The following IL2RB variants were observed in gnomAD, a reference collection of about 807,000 sequenced individuals.
IL2RB encodes interleukin 2 receptor subunit beta, also known as interleukin-2 receptor subunit beta.
A neutral mutation model predicts 44.2 loss-of-function variants in IL2RB; 17 were observed. The observed-to-expected ratio is 0.38, with a 90% confidence interval of 0.26 to 0.58. The LOEUF (loss-of-function observed/expected upper bound fraction) is 0.58. Ranked by LOEUF, IL2RB falls within the 20% of genes least tolerant of loss-of-function variation. IL2RB has a pLI of 0.63. For synonymous variants in IL2RB, 286 were observed against 297.9 expected (o/e 0.96, Z 0.41); for missense variants, 624 against 685.5 (o/e 0.91, Z 1.00).
intron 1 of IL2RB, among the ~76,000 whole-genome samples, chr22:37,157,408 A>G (rs139849312): frequency 1.3e-5 from 2 of 152,222 alleles, no homozygotes; most frequent in African/African-American, 4.8e-5. Context: ...CCAGACCTGA[A>G]GCCCCACGTT....
intron 1 of IL2RB, among the ~76,000 whole-genome samples, chr22:37,156,112 C>A (rs767993602): frequency 6.6e-6 from 1 of 152,228 alleles, no homozygotes; most frequent in Non-Finnish European, 1.5e-5. Context: ...GCCTCCCTCT[C>A]CACTCCGCCT....
chr22:37,133,469 T>C (rs1921529868), intron 8 of IL2RB, among the ~76,000 whole-genome samples: 1 of 152,210 alleles, frequency 6.6e-6, no homozygotes. Context: ...TGGCCAGTCC[T>C]GGCATCAGTT....
At chr22:37,168,437 G>A (rs4820269) in intron 1 of IL2RB, among the ~76,000 whole-genome samples, 128,579 of 152,152 alleles carry the variant, frequency 0.85, 57,886 homozygotes, top group East Asian at 1. Context: ...TGGGCAGTGG[G>A]TCATTGTGCA....
intron 4 of IL2RB, 94 bp downstream of exon 4, chr22:37,142,340 G>T: frequency 8.5e-7 from 1 of 1,174,880 alleles, no homozygotes; most frequent in Non-Finnish European, 1.3e-6. Flanking sequence ...TTGGGCCTCA[G>T]CTCTTCCCCT....
At chr22:37,136,474 C>CCT (rs1555896945) in intron 6 of IL2RB, 81 bp from the exon 7 acceptor site, 200 of 1,425,606 alleles carry the variant, frequency 1.4e-4, no homozygotes, top group Non-Finnish European at 1.8e-4. Flanking sequence ...GAACCCCCCC[C>CCT]CAACCCCTGC....
chr22:37,128,242 CA>C lies in IL2RB; in HGVS notation c.1509del (p.Gly504AlafsTer28). ...LREAGEEVPDAGPREGVSFPW... is the reference protein window; with the variant it reads ...LREAGEEVPDXGPREGVSFPW... ...GGGAAACTGACTCCCTCCCTGGGGC[CA>C]GCGTCAGGGACCTCCTCCCCAGCCT... On this transcript the variant is annotated frameshift_variant, in exon 10 of 10. Transcript: ENST00000216223. LOFTEE classifies it low-confidence loss of function (END_TRUNC). The surrounding 1 kb of genome is among the most constrained non-coding windows in gnomAD (Gnocchi z 4.5). The C allele has an allele frequency of 6.7e-7, 1 of 1,503,542 alleles. No homozygotes were observed. The highest frequency in any genetic ancestry group is 8.9e-7 in the Non-Finnish European group (1 of 1,127,570). 93.1% of individuals were successfully genotyped at this position (1,503,542 alleles called of 1,614,324 possible). A position where few individuals can be genotyped will look rare whatever the true frequency, so the allele number is the denominator to read the frequency against.
At position 37,128,290 on chromosome 22, in the gene IL2RB, G is replaced by T. The variant is rs755957552; in HGVS notation, c.1462C>A (p.Pro488Thr). 3.5e-5 allele frequency: 52 copies of T among 1,501,212 alleles called. No homozygotes were observed. The highest frequency in any genetic ancestry group is 4.4e-5 in the Non-Finnish European group (50 of 1,125,982). The allele number at this position is 1,501,212 out of a possible 1,614,324, so 93.0% of individuals were successfully genotyped here. The change falls in exon 10 of 10, where the codon CCC (proline) becomes ACC (threonine). Residue 488 changes from proline (P) to threonine (T), a missense_variant. Around this residue, in one of 3 missense-constraint regions of IL2RB, gnomAD observed 291 missense variants for 275.5 expected, o/e 1.06. Coordinates refer to ENST00000216223, the MANE Select transcript of IL2RB (RefSeq NM_000878.5). This position sits in a 1 kb window ranked among gnomAD's most constrained non-coding sequence, Gnocchi z 4.5. Reference sequence around the variant, plus strand: ...GCCTCTCGCAGCACCAGCTCAGGGGGTGGCTGAAAATCCACCAGGTCTGGG... The same window carrying T: ...GCCTCTCGCAGCACCAGCTCAGGGGTTGGCTGAAAATCCACCAGGTCTGGG... ...GVPDLVDFQP[P>T]PELVLREAGE...
chr22:37,172,014 G>C (rs1209037213), intron 1 of IL2RB, among the ~76,000 whole-genome samples: 1 of 151,860 alleles, frequency 6.6e-6, no homozygotes, highest in Non-Finnish European at 1.5e-5. Flanking sequence ...CCCGCAAGGG[G>C]ATCTGACCTG....
chr22:37,152,296 G>A (rs376615468), upstream of IL2RB, among the ~76,000 whole-genome samples: 19 of 152,112 alleles, frequency 1.2e-4, no homozygotes, highest in East Asian at 5.8e-4. Flanking sequence ...TTTTGGTTAC[G>A]TTTATTCCTA....
chr22:37,157,672 T>TA (rs1922726833), intron 1 of IL2RB, among the ~76,000 whole-genome samples: 1 of 152,182 alleles, frequency 6.6e-6, no homozygotes, highest in South Asian at 2.1e-4. Flanking sequence ...AAACCAGTCC[T>TA]TCCCTGATCT....
intron 1 of IL2RB, among the ~76,000 whole-genome samples, chr22:37,169,828 C>T (rs963281103): frequency 3.9e-5 from 6 of 152,192 alleles, no homozygotes; most frequent in Non-Finnish European, 8.8e-5. Flanking sequence ...TCCTTCTCTC[C>T]CCAACTAAAG....
In IL2RB at chr22:37,168,086, T is replaced by C. The variant is rs554347827; in HGVS notation, c.-34+6872A>G. ...TCTTGGTATGGAGGTAGGACAAGTA[T>C]GCAAATGATTATAACTAAGGAAATC... On this transcript the variant is annotated intron_variant, in intron 1 of 5. Coordinates refer to the IL2RB transcript ENST00000429622. Among the ~76,000 whole-genome samples, 13 of 152,348 alleles carry C rather than the reference T, an allele frequency of 8.5e-5. No homozygotes were observed. In the East Asian group the frequency reaches 2.5e-3, roughly 29 times the overall value.
rs763474443 is a variant in IL2RB at position 37,142,018 on chromosome 22, G to A, written c.282+416C>T. Among the ~76,000 whole-genome samples the A allele has an allele frequency of 5.0e-4, 76 of 152,156 alleles. No homozygotes were observed. The Middle Eastern group carries it at 0.01, about 20-fold the overall frequency. On this transcript the variant is annotated intron_variant, in intron 4 of 9. Coordinates refer to ENST00000216223, the MANE Select transcript of IL2RB (RefSeq NM_000878.5). ...CAATGTCACCCAGCTGGTGAGCCAG[G>A]GCTGGAGCATCCAGCTCCAGAGTCT...
intron 8 of IL2RB, among the ~76,000 whole-genome samples, 178 bp from the exon 9 acceptor site, chr22:37,132,646 C>T (rs1239098728): frequency 1.3e-5 from 2 of 152,226 alleles, no homozygotes; most frequent in East Asian, 3.8e-4. Flanking sequence ...ACTGGGGAGA[C>T]AAGAATGGCC....
At chr22:37,157,980 A>G (rs887840926) in intron 1 of IL2RB, among the ~76,000 whole-genome samples, 13 of 152,240 alleles carry the variant, frequency 8.5e-5, no homozygotes, top group Non-Finnish European at 1.6e-4. Context: ...AAGCTTTGCC[A>G]TCAAAGGCAG....
chr22:37,134,159 T>G (rs1921572400), intron 8 of IL2RB, among the ~76,000 whole-genome samples: 1 of 152,072 alleles, frequency 6.6e-6, no homozygotes, highest in Non-Finnish European at 1.5e-5. Context: ...AGCAATACAA[T>G]AATAAAAAAT....
intron 1 of IL2RB, among the ~76,000 whole-genome samples, chr22:37,164,506 G>A (rs1361264173): frequency 2.6e-5 from 4 of 151,690 alleles, no homozygotes; most frequent in African/African-American, 9.7e-5. Context: ...GGGCAGGGGG[G>A]ATGGTGGAAG....
chr22:37,128,034 A>G lies in IL2RB; in HGVS notation c.*62T>C, dbSNP rs1458700424. On this transcript the variant is annotated 3_prime_UTR_variant, in exon 10 of 10. Transcript: ENST00000216223. This position sits in a 1 kb window ranked among gnomAD's most constrained non-coding sequence, Gnocchi z 4.5. ...CAGCAGTGGACTGAGGACCCTCAAC[A>G]GGGTCCTTCTGAGGCTCGGCGCAGA... The G allele has an allele frequency of 2.9e-6, 4 of 1,381,972 alleles. No homozygotes were observed. The highest frequency in any genetic ancestry group is 3.8e-6 in the Non-Finnish European group (4 of 1,052,340). 85.6% of individuals were successfully genotyped at this position (1,381,972 alleles called of 1,614,324 possible). A position where few individuals can be genotyped will look rare whatever the true frequency, so the allele number is the denominator to read the frequency against.
Position 37,137,609 on chromosome 22 carries a change from A to G in IL2RB, c.515T>C (p.Leu172Pro). The change falls in exon 6 of 10, where the codon CTG (leucine) becomes CCG (proline). Residue 172 changes from leucine (L) to proline (P), a missense_variant. By Grantham distance (98) the Leu-to-Pro change is moderately conservative (BLOSUM62 -3). Around this residue, in one of 3 missense-constraint regions of IL2RB, gnomAD observed 255 missense variants for 339.9 expected, o/e 0.75. Transcript: ENST00000216223. ...ERHLEFEART[L>P]SPGHTWEEAP... ...CACCTCCCAGGTGTGGCCTGGGGAC[A>G]GCGTCCGGGCCTCGAACTCCAGGTG... 6.2e-7 allele frequency: 1 copy of G among 1,614,202 alleles called. No individual in the cohort carries two copies. Among genetic ancestry groups the G allele is most frequent in the Non-Finnish European group, 8.5e-7 (1 of 1,180,012 alleles).
Sources: gnomAD v4.1 joint callset for allele counts (sites outside exome capture counted in the v4.1 genomes callset) on GRCh38, gnomAD v4.1.1 for gene constraint, gnomAD v4.1.1 regional missense constraint, Gnocchi (gnomAD v3.1) non-coding constraint, MANE v1.5 for transcripts, NCBI Gene and HGNC (gene_info 2026-07-23, HGNC 2026-07-21) for gene names.